Variants in MBTPS2 observed in about 807,000 individuals in gnomAD.
The protein encoded by MBTPS2 is membrane bound transcription factor peptidase, site 2.
Under a neutral mutation model 35.4 loss-of-function variants are expected in MBTPS2, and 2 were observed. That is an observed-to-expected ratio of 0.06 (90% CI 0.02 to 0.18). The LOEUF is 0.18. MBTPS2 is among the 10% of genes least tolerant of loss of function. MBTPS2 has a pLI of 1.00. For synonymous variants in MBTPS2, 125 were observed against 140.4 expected (o/e 0.89, Z 0.77); for missense variants, 244 against 386.5 (o/e 0.63, Z 3.09).
At chrX:21,842,782 G>C (rs948481789) in intron 1 of MBTPS2, among the ~76,000 whole-genome samples, 1 of 111,879 alleles carries the variant, frequency 8.9e-6, no homozygotes, top group Non-Finnish European at 1.9e-5. Context: ...TTCTAAGCAG[G>C]GGTCAGCGAA....
At chrX:21,856,824 G>C (rs1438492938) in intron 5 of MBTPS2, 2 of 1,211,736 alleles carry the variant, frequency 1.7e-6, no homozygotes, top group Admixed American at 2.2e-5. Flanking sequence ...CATTGAAGAC[G>C]AGCACTTCCA....
intron 5 of MBTPS2, among the ~76,000 whole-genome samples, chrX:21,860,938 G>A (rs1205206756): frequency 2.7e-5 from 3 of 111,895 alleles, no homozygotes; most frequent in African/African-American, 9.7e-5. Flanking sequence ...GGAACTATTT[G>A]ATCACACAAA....
chrX:21,844,151 AATAG>A (rs1214238896), intron 2 of MBTPS2, among the ~76,000 whole-genome samples: 3 of 105,362 alleles, frequency 2.8e-5, no homozygotes, highest in Non-Finnish European at 5.8e-5. Context: ...TAAATAAATA[AATAG>A]AAAATATTAA....
At chrX:21,857,830 T>C in intron 5 of MBTPS2, 1 of 340,683 alleles carries the variant, frequency 2.9e-6, no homozygotes, top group Non-Finnish European at 5.0e-6. Context: ...TAGCTTGTTC[T>C]GTAACTATTT....
intron 5 of MBTPS2, among the ~76,000 whole-genome samples, chrX:21,858,884 G>A (rs2147439942): frequency 1.5e-5 from 1 of 66,003 alleles, no homozygotes; most frequent in South Asian, 7.6e-4. Flanking sequence ...GTAAGACCTT[G>A]TGTCAAAAAA....
At chrX:21,874,230 G>A (rs891818686) in intron 7 of MBTPS2, among the ~76,000 whole-genome samples, 2 of 106,290 alleles carry the variant, frequency 1.9e-5, no homozygotes, top group Non-Finnish European at 3.9e-5. Flanking sequence ...TCACCATGTT[G>A]GCCAGGCTGT....
intron 5 of MBTPS2, chrX:21,857,295 A>T: frequency 8.3e-7 from 1 of 1,211,996 alleles, no homozygotes; most frequent in Non-Finnish European, 1.1e-6. Context: ...TTACGCCGCC[A>T]TGAGAAAACA....
At chrX:21,869,746 A>G in intron 7 of MBTPS2, 68 bp downstream of exon 7, 1 of 837,443 alleles carries the variant, frequency 1.2e-6, no homozygotes, top group East Asian at 3.1e-5. Flanking sequence ...TAATCCTTAA[A>G]CCATGTCTAT....
Position 21,843,082 on chromosome X carries a change from C to A in MBTPS2, c.76-88C>A. 3.9e-6 allele frequency: 3 copies of A among 763,724 alleles called. No individual in the cohort carries two copies. The South Asian group carries it at 6.4e-5, about 16-fold the overall frequency. 62.9% of individuals were successfully genotyped at this position (763,724 alleles called of 1,213,427 possible). A position where few individuals can be genotyped will look rare whatever the true frequency, so the allele number is the denominator to read the frequency against. ...ATTTGGGAAGTCAGCATCTTAATTTCCTCTAGAAAATACTTTGTGTTATTT... is the reference window on the plus strand; with the variant it reads ...ATTTGGGAAGTCAGCATCTTAATTTACTCTAGAAAATACTTTGTGTTATTT... On this transcript the variant is annotated intron_variant, in intron 1 of 10. Transcript: ENST00000379484.
chrX:21,856,484 C>T, intron 5 of MBTPS2: 1 of 1,204,527 alleles, frequency 8.3e-7, no homozygotes, highest in Non-Finnish European at 1.1e-6. Flanking sequence ...AACTCTCAGC[C>T]ATGGCCTCCA....
In MBTPS2 at chrX:21,845,381, T is replaced by C. The variant is rs768347321; in HGVS notation, c.435T>C (p.Val145=). 2.5e-6 allele frequency: 3 copies of C among 1,197,763 alleles called. No homozygotes were observed. The highest frequency in any genetic ancestry group is 3.5e-5 in the African/African-American group (2 of 56,897). ...SSLHNEQVLQ[V]VVPGINLPVN... ...TTCACAATGAACAGGTGTTACAAGTTGTGGTAAGTATCGTCTTTTCGCTTT... is the reference window on the plus strand; with the variant it reads ...TTCACAATGAACAGGTGTTACAAGTCGTGGTAAGTATCGTCTTTTCGCTTT... Residue 145 remains valine (V), a synonymous_variant, in exon 3 of 11, where the codon GTT becomes GTC. Coordinates refer to ENST00000379484, the MANE Select transcript of MBTPS2 (RefSeq NM_015884.4).
chrX:21,863,876 G>A (rs1437229587), intron 5 of MBTPS2, among the ~76,000 whole-genome samples: 1 of 111,707 alleles, frequency 9.0e-6, no homozygotes, highest in Non-Finnish European at 1.9e-5. Flanking sequence ...AAGGTTAGGG[G>A]TGGGGAGGAG....
chrX:21,850,771 T>G (rs1018893315), intron 3 of MBTPS2, among the ~76,000 whole-genome samples: 1 of 112,047 alleles, frequency 8.9e-6, no homozygotes, highest in Non-Finnish European at 1.9e-5. Flanking sequence ...TAGGAGCACA[T>G]GATTGTAAGA....
chrX:21,865,500 G>A (rs1224463363), intron 5 of MBTPS2, among the ~76,000 whole-genome samples: 2 of 112,100 alleles, frequency 1.8e-5, no homozygotes, highest in African/African-American at 3.2e-5. Flanking sequence ...ATACTTAAAT[G>A]TTTTTAAATC....
chrX:21,861,859 T>C (rs745724171), intron 5 of MBTPS2, among the ~76,000 whole-genome samples: 5 of 112,424 alleles, frequency 4.4e-5, no homozygotes, highest in African/African-American at 1.3e-4. Flanking sequence ...AATTTAATAA[T>C]TTACAACACT....
Position 21,883,515 on chromosome X carries a change from A to G in MBTPS2, c.*860A>G. ...TCAGCAGTCCTACTTCCCATTCTCT[A>G]TAGAGCTTTGAAGCTTGGAACCCTT... is the stretch of plus-strand genomic sequence containing the variant. On this transcript the variant is annotated 3_prime_UTR_variant, in exon 11 of 11. Coordinates refer to ENST00000379484, the MANE Select transcript of MBTPS2 (RefSeq NM_015884.4). 4 of 753,636 alleles carry G rather than the reference A, an allele frequency of 5.3e-6. No individual in the cohort carries two copies. The highest frequency in any genetic ancestry group is 6.3e-6 in the Non-Finnish European group (4 of 639,127). 62.1% of individuals were successfully genotyped at this position (753,636 alleles called of 1,213,427 possible). A position where few individuals can be genotyped will look rare whatever the true frequency, so the allele number is the denominator to read the frequency against.
At chrX:21,851,639 A>G in intron 4 of MBTPS2, 27 bp downstream of exon 4, 2 of 973,848 alleles carry the variant, frequency 2.1e-6, no homozygotes, top group Non-Finnish European at 2.9e-6. Context: ...TTTTCTTTGT[A>G]CTACATGCAA....
At chrX:21,855,134 ATAAAT>A (rs2092919120) in intron 5 of MBTPS2, among the ~76,000 whole-genome samples, 1 of 111,750 alleles carries the variant, frequency 8.9e-6, no homozygotes, top group African/African-American at 3.3e-5. Flanking sequence ...GCAGAAAATA[ATAAAT>A]TAGAAAAAAC....
intron 2 of MBTPS2, 139 bp from the exon 3 acceptor site, chrX:21,845,032 C>A (rs1195724115): frequency 1.1e-6 from 1 of 910,673 alleles, no homozygotes; most frequent in South Asian, 2.3e-5. Context: ...ATTTGAAGTT[C>A]ATGTAGGAAA....
Sources: gnomAD v4.1 joint callset for allele counts (sites outside exome capture counted in the v4.1 genomes callset) on GRCh38, gnomAD v4.1.1 for gene constraint, MANE v1.5 for transcripts, NCBI Gene and HGNC (gene_info 2026-07-23, HGNC 2026-07-21) for gene names.